Variants in FBXO6 observed in about 807,000 individuals in gnomAD.
The protein encoded by FBXO6 is F-box protein 6.
A neutral mutation model predicts 25.0 loss-of-function variants in FBXO6; 13 were observed. That is an observed-to-expected ratio of 0.52 (90% CI 0.34 to 0.83). The LOEUF is 0.83. FBXO6 is among the 40% of genes least tolerant of loss of function. FBXO6 has a pLI of 0.02. For missense variants in FBXO6, 370 were observed against 380.2 expected (o/e 0.97, Z 0.22); for synonymous variants, 138 against 155.3 (o/e 0.89, Z 0.83).
intron 1 of FBXO6, among the ~76,000 whole-genome samples, chr1:11,665,257 C>CTCTG (rs1212014587): frequency 8.5e-6 from 1 of 118,098 alleles, no homozygotes; most frequent in Non-Finnish European, 1.6e-5. Flanking sequence ...CGGAGTGTCG[C>CTCTG]TCTGTCGCCC....
rs759022918 is a variant in FBXO6, at chr1:11,673,765, G to C, written c.796G>C (p.Ala266Pro). Reference protein sequence around the residue: ...VVSPKMTRNQASSEAQPGQKH... With the variant: ...VVSPKMTRNQPSSEAQPGQKH... ...CAGCCCCAAGATGACCAGGAACCAGGCCTCCTCCGAGGCTCAGCCTGGGCA... is the reference window on the plus strand; with the variant it reads ...CAGCCCCAAGATGACCAGGAACCAGCCCTCCTCCGAGGCTCAGCCTGGGCA... The change falls in exon 6 of 6, where the codon GCC (alanine) becomes CCC (proline). Residue 266 changes from alanine (A) to proline (P), a missense_variant. Coordinates refer to ENST00000376753, the MANE Select transcript of FBXO6 (RefSeq NM_018438.6). The surrounding 1 kb of genome is among the most constrained non-coding windows in gnomAD (Gnocchi z 4.3). 1.2e-6 allele frequency: 2 copies of C among 1,613,986 alleles called. No individual in the cohort carries two copies. Among genetic ancestry groups the C allele is most frequent in the Non-Finnish European group, 1.7e-6 (2 of 1,180,046 alleles).
intron 1 of FBXO6, 52 bp downstream of exon 1, chr1:11,664,307 G>A (rs1002638671): frequency 1.3e-5 from 2 of 151,960 alleles, no homozygotes; most frequent in Non-Finnish European, 2.9e-5. Flanking sequence ...GGACGGCAGC[G>A]GGGTCCGGGG....
chr1:11,668,895 C>T lies in FBXO6; in HGVS notation c.237C>T (p.Tyr79=), dbSNP rs7514198. The part of the protein sequence containing the change: ...DQPVADWKIF[Y]FLRSLHRNLL... ...CCGTGGCCGACTGGAAAATCTTCTA[C>T]TTCCTACGGAGCCTGCATAGGAACC... The change falls in exon 2 of 6, where the codon TAC becomes TAT. Residue 79 remains tyrosine, a synonymous_variant. Coordinates refer to ENST00000376753, the MANE Select transcript of FBXO6 (RefSeq NM_018438.6). 130,081 of 1,614,056 alleles carry T rather than the reference C, an allele frequency of 0.081. 5,952 individuals are homozygous for T. Among genetic ancestry groups the T allele is most frequent in the African/African-American group, 0.15 (11,182 of 74,970 alleles).
intron 2 of FBXO6, among the ~76,000 whole-genome samples, chr1:11,669,603 C>A (rs749729005): frequency 6.6e-6 from 1 of 151,280 alleles, no homozygotes; most frequent in Non-Finnish European, 1.5e-5. Flanking sequence ...CACACACACA[C>A]ATATGTATAC....
rs1640709943 is a variant in FBXO6, at chr1:11,674,117, A to G, written c.*266A>G. 2.5e-6 allele frequency: 1 copy of G among 399,142 alleles called. No individual in the cohort carries two copies. The highest frequency in any genetic ancestry group is 4.8e-6 in the Non-Finnish European group (1 of 210,348). The allele number at this position is 399,142 out of a possible 1,614,324, so 24.7% of individuals were successfully genotyped here. On this transcript the variant is annotated 3_prime_UTR_variant, in exon 6 of 6. Transcript: ENST00000376753. The surrounding 1 kb of genome is among the most constrained non-coding windows in gnomAD (Gnocchi z 6.1). ...CAGGAGATAGAGACCATCCTGGCCA[A>G]CACGGTGAAACCCTGTCTCTACTAA...
chr1:11,668,501 G>A (rs1229720258), intron 1 of FBXO6, among the ~76,000 whole-genome samples, 155 bp from the exon 2 acceptor site: 1 of 151,870 alleles, frequency 6.6e-6, no homozygotes, highest in Non-Finnish European at 1.5e-5. Flanking sequence ...AGGCTCAAGG[G>A]ATCCTCTGCC....
intron 3 of FBXO6, among the ~76,000 whole-genome samples, chr1:11,671,722 G>T (rs984237996): frequency 6.6e-6 from 1 of 152,140 alleles, no homozygotes; most frequent in Non-Finnish European, 1.5e-5. Flanking sequence ...ATCAAATGCC[G>T]CCCAGGCACA....
chr1:11,668,590 C>T, intron 1 of FBXO6, 66 bp from the exon 2 acceptor site: 1 of 1,569,740 alleles, frequency 6.4e-7, no homozygotes. Flanking sequence ...AGTCCCTGGC[C>T]TGGTTCCCTG....
chr1:11,671,454 C>T (rs1254226306), intron 3 of FBXO6, 62 bp downstream of exon 3: 62 of 1,581,500 alleles, frequency 3.9e-5, no homozygotes, highest in Non-Finnish European at 5.4e-5. Flanking sequence ...ACACCTTTGC[C>T]AAGTCTCAGG....
At chr1:11,671,684 C>T (rs1348391348) in intron 3 of FBXO6, among the ~76,000 whole-genome samples, 1 of 152,196 alleles carries the variant, frequency 6.6e-6, no homozygotes, top group Non-Finnish European at 1.5e-5. Context: ...TACAAAAGTG[C>T]CCTGGAACAA....
intron 2 of FBXO6, among the ~76,000 whole-genome samples, chr1:11,670,926 C>T (rs1640600001): frequency 1.3e-5 from 2 of 152,112 alleles, no homozygotes; most frequent in South Asian, 4.1e-4. Context: ...GGAGTGAGGC[C>T]AGTTTGGGAC....
In FBXO6 at chr1:11,673,876, C is replaced by A; in HGVS notation, c.*25C>A. On this transcript the variant is annotated 3_prime_UTR_variant, in exon 6 of 6. Coordinates refer to ENST00000376753, the MANE Select transcript of FBXO6 (RefSeq NM_018438.6). This position sits in a 1 kb window ranked among gnomAD's most constrained non-coding sequence, Gnocchi z 4.3. ...ACAGCTGTCCATCCTGTGTCTGGGTCAGCCAGAGGTTCCTCCAGGCAGGAG... is the reference window on the plus strand; with the variant it reads ...ACAGCTGTCCATCCTGTGTCTGGGTAAGCCAGAGGTTCCTCCAGGCAGGAG... 1 of 1,608,102 alleles carries A rather than the reference C, an allele frequency of 6.2e-7. No homozygotes were observed. The highest frequency in any genetic ancestry group is 1.1e-5 in the South Asian group (1 of 90,886).
At chr1:11,669,723 T>C (rs906854604) in intron 2 of FBXO6, among the ~76,000 whole-genome samples, 3 of 127,034 alleles carry the variant, frequency 2.4e-5, no homozygotes, top group Non-Finnish European at 5.0e-5. Context: ...TGTGTATACA[T>C]ATATACATAT....
intron 1 of FBXO6, among the ~76,000 whole-genome samples, chr1:11,667,108 T>C (rs952168539): frequency 2.7e-5 from 4 of 150,708 alleles, no homozygotes; most frequent in East Asian, 3.9e-4. Flanking sequence ...GATCACGCCA[T>C]TGCACTCCAG....
Position 11,673,714 on chromosome 1 carries a change from C to G in FBXO6, c.745C>G (p.Arg249Gly), listed in dbSNP as rs919589551. 4.3e-6 allele frequency: 7 copies of G among 1,613,950 alleles called. No individual in the cohort carries two copies. The highest frequency in any genetic ancestry group is 5.9e-6 in the Non-Finnish European group (7 of 1,180,016). ...TQYWAGWYGPRVTNSSIVVSP... is the reference protein window; with the variant it reads ...TQYWAGWYGPGVTNSSIVVSP... The stretch of plus-strand genomic sequence containing the variant: ...GTACTGGGCAGGCTGGTATGGGCCC[C>G]GAGTCACCAACAGCAGCATTGTCGT... Residue 249 changes from arginine to glycine, a missense_variant, in exon 6 of 6, where the codon CGA becomes GGA. Physicochemically the swap from Arg to Gly is moderately radical, Grantham distance 125 (BLOSUM62 -2). Transcript: ENST00000376753. The surrounding 1 kb of genome is among the most constrained non-coding windows in gnomAD (Gnocchi z 4.3).
intron 1 of FBXO6, among the ~76,000 whole-genome samples, chr1:11,665,018 G>A (rs1227853145): frequency 6.6e-6 from 1 of 151,544 alleles, no homozygotes; most frequent in Non-Finnish European, 1.5e-5. Context: ...CTAGAGTCTA[G>A]ACAGTGCCTT....
intron 4 of FBXO6, among the ~76,000 whole-genome samples, chr1:11,672,549 C>G (rs1640648852): frequency 6.6e-6 from 1 of 152,196 alleles, no homozygotes; most frequent in African/African-American, 2.4e-5. Context: ...CTCGGCCTCC[C>G]AAAGTGCTGG....
Position 11,668,960 on chromosome 1 carries a change from G to A in FBXO6, c.286+16G>A, listed in dbSNP as rs374707522. On this transcript the variant is annotated intron_variant, in intron 2 of 5. Transcript: ENST00000376753. Reference sequence around the variant, plus strand: ...TGTGCTGAAGGTGGCATGGGGGCAGGGTGGAGGCTGCCACCAGGCTCGTTC... The same window carrying A: ...TGTGCTGAAGGTGGCATGGGGGCAGAGTGGAGGCTGCCACCAGGCTCGTTC... 12 of 1,609,602 alleles carry A rather than the reference G, an allele frequency of 7.5e-6. No individual in the cohort carries two copies. The African/African-American group carries it at 1.5e-4, about 20-fold the overall frequency.
intron 2 of FBXO6, among the ~76,000 whole-genome samples, chr1:11,669,873 G>A (rs2100693636): frequency 6.8e-6 from 1 of 147,482 alleles, no homozygotes; most frequent in African/African-American, 2.5e-5. Flanking sequence ...CTGACCTCAG[G>A]TGATCTGCCT....
Sources: allele counts gnomAD v4.1 joint callset (sites outside exome capture counted in the v4.1 genomes callset), GRCh38; gene constraint gnomAD v4.1.1; non-coding constraint Gnocchi (gnomAD v3.1); transcripts MANE v1.5; gene names NCBI Gene and HGNC (gene_info 2026-07-23, HGNC 2026-07-21).